Variants in ANK3 observed in about 807,000 individuals in gnomAD.
The protein encoded by ANK3 is ankyrin-3.
ANK3 carries 57 observed loss-of-function variants against 370.9 expected under a neutral mutation model. That is an observed-to-expected ratio of 0.15 (90% CI 0.12 to 0.19). The LOEUF (loss-of-function observed/expected upper bound fraction) is 0.19. ANK3 is among the 10% of genes least tolerant of loss of function. ANK3 has a pLI of 1.00. For synonymous variants in ANK3, 1,929 were observed against 1,946.3 expected, an observed-to-expected ratio of 0.99 and a Z score of 0.23; for missense variants, 4,439 against 5,302.1, an observed-to-expected ratio of 0.84 and a Z score of 5.06.
chr10:60,259,721 C>T (rs1351184817), intron 7 of ANK3, among the ~76,000 whole-genome samples: 1 of 152,152 alleles, frequency 6.6e-6, no homozygotes, highest in Admixed American at 6.5e-5. Flanking sequence ...AACAAAGGCA[C>T]AAAGACAAAC....
intron 2 of ANK3, among the ~76,000 whole-genome samples, chr10:60,484,758 T>C (rs2075306982): frequency 6.6e-6 from 1 of 152,238 alleles, no homozygotes; most frequent in Admixed American, 6.5e-5. Context: ...ATTAGGCCAC[T>C]GAACTGAGTA....
rs1003753635 is a variant in ANK3, at chr10:60,076,173, G to A, written c.4708C>T (p.Pro1570Ser). 2 of 1,614,182 alleles carry A rather than the reference G, an allele frequency of 1.2e-6. No individual in the cohort carries two copies. The highest frequency in any genetic ancestry group is 1.7e-6 in the Non-Finnish European group (2 of 1,180,004). ...GACATTGTCCGAAAGGATCTAATTG[G>A]AGATGCCACGTCACTAATGGATTTA... is the stretch of plus-strand genomic sequence containing the variant. ...SVKSISDVAS[P>S]IRSFRTMSSP... is the part of the protein sequence containing the mutation. The change falls in exon 37 of 44, where the codon CCA (proline) becomes TCA (serine). Residue 1570 changes from proline to serine, a missense_variant. This residue lies in a region of ANK3 where 679 missense variants were observed against 791.0 expected (regional missense o/e 0.86). Coordinates refer to ENST00000280772, the MANE Select transcript of ANK3 (RefSeq NM_020987.5).
intron 8 of ANK3, among the ~76,000 whole-genome samples, chr10:60,227,155 TATA>T (rs1267624058): frequency 6.6e-6 from 1 of 151,992 alleles, no homozygotes; most frequent in Non-Finnish European, 1.5e-5. Flanking sequence ...ATTATGTAAA[TATA>T]ATTTTTAGTA....
At chr10:60,698,701 A>G (rs1351217059) in intron 1 of ANK3, among the ~76,000 whole-genome samples, 1 of 129,902 alleles carries the variant, frequency 7.7e-6, no homozygotes, top group East Asian at 2.4e-4. Flanking sequence ...GAATTGAACA[A>G]TGAGATCACA....
At chr10:60,295,144 T>G (rs1345099175) in intron 1 of ANK3, among the ~76,000 whole-genome samples, 1 of 152,226 alleles carries the variant, frequency 6.6e-6, no homozygotes, top group Non-Finnish European at 1.5e-5. Flanking sequence ...TTCTAAGTAT[T>G]TGCAGATAGA....
chr10:60,732,500 C>T (rs2080037644), intron 1 of ANK3, among the ~76,000 whole-genome samples: 1 of 152,126 alleles, frequency 6.6e-6, no homozygotes, highest in African/African-American at 2.4e-5. Context: ...CCGATTTCTA[C>T]TTCTTGTTTT....
At chr10:60,729,924 T>C (rs956525764) in intron 1 of ANK3, among the ~76,000 whole-genome samples, 7 of 152,308 alleles carry the variant, frequency 4.6e-5, no homozygotes, top group African/African-American at 9.6e-5. Context: ...CTCACTCTCA[T>C]AGTCAAACAG....
intron 4 of ANK3, among the ~76,000 whole-genome samples, chr10:60,273,707 C>T (rs141133242): frequency 0.019 from 2,936 of 152,226 alleles, 36 homozygotes; most frequent in South Asian, 0.033. Flanking sequence ...GTATCAAGGG[C>T]GGGGCCAGGT....
intron 2 of ANK3, among the ~76,000 whole-genome samples, chr10:60,542,377 T>G (rs971808361): frequency 6.6e-6 from 1 of 151,892 alleles, no homozygotes; most frequent in African/African-American, 2.4e-5. Flanking sequence ...ATACACCACT[T>G]TACAACATGA....
At chr10:60,289,695 C>A (rs961361795) in intron 1 of ANK3, among the ~76,000 whole-genome samples, 8 of 152,120 alleles carry the variant, frequency 5.3e-5, no homozygotes, top group Middle Eastern at 3.2e-3. Context: ...CAGCCTTATG[C>A]CCCCTGCTTT....
intron 1 of ANK3, among the ~76,000 whole-genome samples, chr10:60,631,607 T>C (rs532748361): frequency 6.6e-6 from 1 of 152,152 alleles, no homozygotes; most frequent in Admixed American, 6.5e-5. Context: ...ATAAAACCTA[T>C]AGCAATCCAA....
At chr10:60,382,582 A>G (rs1369333371) in intron 1 of ANK3, among the ~76,000 whole-genome samples, 1 of 151,194 alleles carries the variant, frequency 6.6e-6, no homozygotes, top group Non-Finnish European at 1.5e-5. Flanking sequence ...ACCAGAAAAA[A>G]CTCTGACGTA....
chr10:60,114,409 T>C (rs1046450730), intron 25 of ANK3, 78 bp from the exon 26 acceptor site: 2 of 650,638 alleles, frequency 3.1e-6, no homozygotes. Flanking sequence ...AAAATATATT[T>C]GTATTCCTCT....
At chr10:60,236,238 T>A (rs938101604) in intron 7 of ANK3, among the ~76,000 whole-genome samples, 4 of 152,074 alleles carry the variant, frequency 2.6e-5, no homozygotes, top group African/African-American at 9.7e-5. Flanking sequence ...TGCAATTTAA[T>A]TATCTCTAAC....
At chr10:60,700,699 G>T (rs1005582825) in intron 1 of ANK3, among the ~76,000 whole-genome samples, 2 of 152,074 alleles carry the variant, frequency 1.3e-5, no homozygotes, top group Non-Finnish European at 2.9e-5. Flanking sequence ...ATAAAGATAG[G>T]CTTTCACTTC....
At chr10:60,341,460 G>A (rs976663739) in intron 1 of ANK3, among the ~76,000 whole-genome samples, 1 of 151,818 alleles carries the variant, frequency 6.6e-6, no homozygotes, top group African/African-American at 2.4e-5. Context: ...TACCAATTAG[G>A]GCTCATAATT....
At chr10:60,234,640 C>T (rs761304434) in intron 8 of ANK3, 48 bp downstream of exon 8, 8 of 1,148,146 alleles carry the variant, frequency 7.0e-6, no homozygotes, top group East Asian at 4.7e-5. Flanking sequence ...AAAAGTATTC[C>T]TACTTCCTGA....
chr10:60,084,999 C>A (rs2086294930), intron 31 of ANK3, among the ~76,000 whole-genome samples, 158 bp downstream of exon 31: 1 of 152,168 alleles, frequency 6.6e-6, no homozygotes, highest in Non-Finnish European at 1.5e-5. Flanking sequence ...AACACAGAAA[C>A]CCTCTGTTTG....
intron 6 of ANK3, among the ~76,000 whole-genome samples, chr10:60,263,027 G>A (rs1018036711): frequency 1.3e-5 from 2 of 152,142 alleles, no homozygotes; most frequent in Admixed American, 6.5e-5. Context: ...TACAGAAGGC[G>A]ATGCAAAGAA....
Sources: allele counts gnomAD v4.1 joint callset (sites outside exome capture counted in the v4.1 genomes callset), GRCh38; gene constraint gnomAD v4.1.1; regional missense constraint gnomAD v4.1.1; transcripts MANE v1.5; gene names NCBI Gene and HGNC (gene_info 2026-07-23, HGNC 2026-07-21).